HAVCR2: variants seen among roughly 807,000 people sequenced by gnomAD.
HAVCR2 encodes hepatitis A virus cellular receptor 2.
Under a neutral mutation model 24.7 loss-of-function variants are expected in HAVCR2, and 13 were observed. The observed-to-expected ratio is 0.53, with a 90% CI of 0.34 to 0.84. The LOEUF (loss-of-function observed/expected upper bound fraction) is 0.84, where lower values mean the gene tolerates loss of function less well. Among genes scored for constraint, HAVCR2 ranks in the 40% least tolerant of loss-of-function variants. The pLI is 0.01. For synonymous variants in HAVCR2, 154 were observed against 143.4 expected (o/e 1.07, Z -0.53); for missense variants, 343 against 371.2 (o/e 0.92, Z 0.62).
chr5:157,101,435 T>A (rs1013036512), intron 3 of HAVCR2, among the ~76,000 whole-genome samples: 28 of 152,222 alleles, frequency 1.8e-4, no homozygotes, highest in Non-Finnish European at 4.0e-4. Context: ...CTTAACAGTG[T>A]ATAAATTTAG....
At chr5:157,094,713 T>TA (rs374388128) in intron 5 of HAVCR2, among the ~76,000 whole-genome samples, 2,136 of 144,110 alleles carry the variant, frequency 0.015, 16 homozygotes, top group African/African-American at 0.022. Context: ...TTTGCTAGTT[T>TA]AAAAAAAAAA....
At chr5:157,089,228 C>A (rs553072652) in intron 5 of HAVCR2, among the ~76,000 whole-genome samples, 31 of 152,140 alleles carry the variant, frequency 2.0e-4, no homozygotes, top group Non-Finnish European at 3.7e-4. Flanking sequence ...GTTTGCCTGG[C>A]ACAAGGAACA....
At chr5:157,089,393 G>A (rs545535805) in intron 5 of HAVCR2, among the ~76,000 whole-genome samples, 26 of 152,178 alleles carry the variant, frequency 1.7e-4, no homozygotes, top group Non-Finnish European at 3.1e-4. Context: ...AAAATTAGCT[G>A]GATGTGGTGG....
intron 5 of HAVCR2, among the ~76,000 whole-genome samples, chr5:157,093,702 A>G (rs6862400): frequency 6.6e-6 from 1 of 152,114 alleles, no homozygotes; most frequent in Non-Finnish European, 1.5e-5. Context: ...ATCCCAAAAC[A>G]TTGGGAGGTC....
Position 157,106,841 on chromosome 5 carries a change from C to T in HAVCR2, c.180G>A (p.Val60=), listed in dbSNP as rs901267468. 6.2e-7 allele frequency: 1 copy of T among 1,614,098 alleles called. No individual in the cohort carries two copies. The highest frequency in any genetic ancestry group is 1.3e-5 in the African/African-American group (1 of 74,942). The change falls in exon 2 of 7, where the codon GTG becomes GTA. Residue 60 remains valine (V), a synonymous_variant. Coordinates refer to ENST00000307851, the MANE Select transcript of HAVCR2 (RefSeq NM_032782.5). Reference sequence around the variant, plus strand: ...TGAGCACCACGTTGCCACATTCAAACACAGGACAGGCTCCTTTGCCCCAGC... The same window carrying T: ...TGAGCACCACGTTGCCACATTCAAATACAGGACAGGCTCCTTTGCCCCAGC... ...PVCWGKGACP[V]FECGNVVLRT...
At chr5:157,091,909 T>C (rs1472486277) in intron 5 of HAVCR2, among the ~76,000 whole-genome samples, 1 of 152,110 alleles carries the variant, frequency 6.6e-6, no homozygotes, top group Non-Finnish European at 1.5e-5. Flanking sequence ...CAGTTTGTTT[T>C]TGTGAGGTCA....
At chr5:157,104,823 GCA>G (rs1169649081) in intron 2 of HAVCR2, 74 bp from the exon 3 acceptor site, 16 of 1,081,626 alleles carry the variant, frequency 1.5e-5, no homozygotes, top group Non-Finnish European at 2.2e-5. Context: ...CAAAGGGGCA[GCA>G]AGAAAAAAAT....
chr5:157,095,174 T>C (rs1372761418), intron 5 of HAVCR2, 132 bp downstream of exon 5: 8 of 919,894 alleles, frequency 8.7e-6, no homozygotes, highest in African/African-American at 1.7e-5. Context: ...ATTGTTAGGA[T>C]TTGGATGGAC....
intron 4 of HAVCR2, 53 bp from the exon 5 acceptor site, chr5:157,095,512 T>TAATCAGCTTCAAGATTTGTG: frequency 6.3e-7 from 1 of 1,599,622 alleles, no homozygotes; most frequent in Non-Finnish European, 8.6e-7. Context: ...ATCGCTTGTG[T>TAATCAGCTTCAAGATTTGTG]AATCAGCTTC....
chr5:157,107,602 AGCTGGGAACTGGGTCACAGAAACCT>A (rs1200271093), intron 1 of HAVCR2, among the ~76,000 whole-genome samples: 38 of 152,222 alleles, frequency 2.5e-4, no homozygotes, highest in Admixed American at 2.5e-3. Context: ...GGAAAAGTCA[AGCTGGGAACTGGGTCACAGAAACCT>A]GCCTCCTCTT....
chr5:157,086,568 A>G lies in HAVCR2; in HGVS notation c.*534T>C. ...GAGGCTGAGGCAGGAGAATCGCTTG[A>G]ACCCAGGAGGCGGAGCTTGCAGTGA... On this transcript the variant is annotated 3_prime_UTR_variant, in exon 7 of 7. Coordinates refer to ENST00000307851, the MANE Select transcript of HAVCR2 (RefSeq NM_032782.5). 1 of 153,150 alleles carries G rather than the reference A, an allele frequency of 6.5e-6. No homozygotes were observed. Among genetic ancestry groups the G allele is most frequent in the Non-Finnish European group, 1.5e-5 (1 of 68,746 alleles). The allele number at this position is 153,150 out of a possible 1,614,324, so 9.5% of individuals were successfully genotyped here.
intron 4 of HAVCR2, among the ~76,000 whole-genome samples, chr5:157,096,284 C>T (rs2113689010): frequency 6.6e-6 from 1 of 150,676 alleles, no homozygotes; most frequent in South Asian, 2.1e-4. Context: ...CTGAGTAATC[C>T]TGTAGAGTTA....
chr5:157,087,026 C>T lies in HAVCR2; in HGVS notation c.*76G>A. 7.2e-7 allele frequency: 1 copy of T among 1,379,618 alleles called. No homozygotes were observed. Among genetic ancestry groups the T allele is most frequent in the South Asian group, 1.2e-5 (1 of 81,098 alleles). The allele number at this position is 1,379,618 out of a possible 1,614,324, so 85.5% of individuals were successfully genotyped here. ...GCTCCATAGCAGTGGACAGAACCTC[C>T]AAAACCAGTCAGGTGACACAGCTCA... On this transcript the variant is annotated 3_prime_UTR_variant, in exon 7 of 7. Coordinates refer to ENST00000307851, the MANE Select transcript of HAVCR2 (RefSeq NM_032782.5).
intron 1 of HAVCR2, among the ~76,000 whole-genome samples, chr5:157,107,835 G>A (rs527444432): frequency 2.5e-4 from 38 of 150,080 alleles, no homozygotes; most frequent in Non-Finnish European, 4.3e-4. Context: ...AATGTAAAAT[G>A]CAGATTCCCC....
intron 3 of HAVCR2, among the ~76,000 whole-genome samples, chr5:157,101,546 C>T (rs1393474369): frequency 6.6e-6 from 1 of 152,206 alleles, no homozygotes. Flanking sequence ...GTAGGTACTA[C>T]TATTTTCCCC....
chr5:157,106,926 T>C lies in HAVCR2; in HGVS notation c.95A>G (p.Gln32Arg). 6.2e-7 allele frequency: 1 copy of C among 1,614,150 alleles called. No homozygotes were observed. The highest frequency in any genetic ancestry group is 8.5e-7 in the Non-Finnish European group (1 of 1,180,004). Reference protein sequence around the residue: ...SEVEYRAEVGQNAYLPCFYTP... With the variant: ...SEVEYRAEVGRNAYLPCFYTP... The stretch of plus-strand genomic sequence containing the variant: ...GTAGAAGCAGGGCAGATAGGCATTC[T>C]GACCGACCTCCGCTCTGTATTCCAC... Residue 32 changes from glutamine (Q) to arginine (R), a missense_variant, in exon 2 of 7, where the codon CAG (glutamine) becomes CGG (arginine). Physicochemically the swap from Gln to Arg is conservative, Grantham distance 43. Coordinates refer to ENST00000307851, the MANE Select transcript of HAVCR2 (RefSeq NM_032782.5).
chr5:157,088,133 C>T (rs578209270), intron 6 of HAVCR2, among the ~76,000 whole-genome samples: 38 of 152,274 alleles, frequency 2.5e-4, no homozygotes, highest in African/African-American at 9.1e-4. Flanking sequence ...TGGTCTTGAA[C>T]TCCTGGGCTC....
At position 157,092,878 on chromosome 5, in the gene HAVCR2, C is replaced by CAAA. The variant is rs556443053; in HGVS notation, c.676+2425_676+2427dup. Among the ~76,000 whole-genome samples, 22 of 44,040 alleles carry CAAA rather than the reference C, an allele frequency of 5.0e-4. 4 individuals carry two copies. The highest frequency in any genetic ancestry group is 7.8e-4 in the Non-Finnish European group (17 of 21,714). 28.9% of individuals were successfully genotyped at this position (44,040 alleles called of 152,430 possible). ...CAACATGGCAAAACCCTGTCTCTAC[C>CAAA]AAAAAAAAAAAAAAAAAAAAAAAAA... On this transcript the variant is annotated intron_variant, in intron 5 of 6. Transcript: ENST00000307851.
rs1441129548 is a variant in HAVCR2 at position 157,095,405 on chromosome 5, G to GT, written c.576dup (p.Arg193ThrfsTer38). ...ATTCTGATGGTTGCTCCAGAGTCCC[G>GT]TAAGTCATTGGCCAATCTAGAGTCC... is the stretch of plus-strand genomic sequence containing the variant. On this transcript the variant is annotated frameshift_variant, in exon 5 of 7. Coordinates refer to ENST00000307851, the MANE Select transcript of HAVCR2 (RefSeq NM_032782.5). LOFTEE classifies it high-confidence loss of function. 2 of 1,613,904 alleles carry GT rather than the reference G, an allele frequency of 1.2e-6. No homozygotes were observed. Among genetic ancestry groups the GT allele is most frequent in the African/African-American group, 2.7e-5 (2 of 74,888 alleles).
Sources: gnomAD v4.1 joint callset for allele counts (sites outside exome capture counted in the v4.1 genomes callset) on GRCh38, gnomAD v4.1.1 for gene constraint, MANE v1.5 for transcripts, NCBI Gene and HGNC (gene_info 2026-07-23, HGNC 2026-07-21) for gene names.